AXDND1: variants seen among roughly 807,000 people sequenced by gnomAD.
The protein encoded by AXDND1 is axonemal dynein light chain domain containing 1.
A neutral mutation model predicts 137.5 loss-of-function variants in AXDND1; 110 were observed. The observed-to-expected ratio is 0.80, with a 90% CI of 0.69 to 0.94. The LOEUF is 0.94. AXDND1 is among the 40% of genes least tolerant of loss of function. The pLI, the probability that AXDND1 is intolerant of heterozygous loss-of-function variation, is 0.00. For synonymous variants in AXDND1, 414 were observed against 399.7 expected, an observed-to-expected ratio of 1.04 and a Z score of -0.43; for missense variants, 1,191 against 1,169.8, an observed-to-expected ratio of 1.02 and a Z score of -0.26.
At chr1:179,486,233 A>G (rs1252162481) in intron 18 of AXDND1, among the ~76,000 whole-genome samples, 1 of 151,862 alleles carries the variant, frequency 6.6e-6, no homozygotes, top group African/African-American at 2.4e-5. Context: ...AAAAAATCTC[A>G]GAGTTTGAAG....
intron 25 of AXDND1, among the ~76,000 whole-genome samples, chr1:179,538,404 T>C (rs1220035901): frequency 6.6e-6 from 1 of 152,240 alleles, no homozygotes; most frequent in Non-Finnish European, 1.5e-5. Flanking sequence ...TTCATTCTCA[T>C]TGGCTTCAAA....
chr1:179,494,243 C>T (rs923641948), intron 20 of AXDND1, among the ~76,000 whole-genome samples: 8 of 152,120 alleles, frequency 5.3e-5, no homozygotes, highest in South Asian at 2.1e-4. Context: ...TGAGCCACTG[C>T]GCCTGGCTGA....
chr1:179,544,147 A>G lies in AXDND1; in HGVS notation c.3031+9185A>G, dbSNP rs77988238. 3.3e-5 allele frequency: 5 copies of G among 152,576 alleles called. No homozygotes were observed. The East Asian group carries it at 7.7e-4, about 24-fold the overall frequency. 9.5% of individuals were successfully genotyped at this position (152,576 alleles called of 1,614,324 possible). On this transcript the variant is annotated intron_variant, in intron 25 of 25. Transcript: ENST00000367618. ...ACAGCCACTAGAAAAGCCATAACCTACAACGCAAGAGCATTTTCTCTTTAA... is the reference window on the plus strand; with the variant it reads ...ACAGCCACTAGAAAAGCCATAACCTGCAACGCAAGAGCATTTTCTCTTTAA...
intron 20 of AXDND1, among the ~76,000 whole-genome samples, chr1:179,493,545 A>T (rs912415806): frequency 2.6e-5 from 4 of 152,184 alleles, no homozygotes; most frequent in Non-Finnish European, 5.9e-5. Flanking sequence ...GTCACATGGA[A>T]TGTGTGTGTT....
At chr1:179,453,244 T>A (rs1660802829) in intron 16 of AXDND1, 1 of 151,746 alleles carries the variant, frequency 6.6e-6, no homozygotes, top group African/African-American at 2.4e-5. Context: ...CCACACAGAG[T>A]CTCTACTGGG....
At chr1:179,365,709 G>A (rs1040812743), upstream of AXDND1, 1 of 152,330 alleles carries the variant, frequency 6.6e-6, no homozygotes, top group African/African-American at 2.4e-5. Flanking sequence ...AACCCCCACC[G>A]GCGCCTGCGC....
chr1:179,366,394 C>A lies in AXDND1; in HGVS notation c.-106-10C>A. 2.6e-5 allele frequency: 16 copies of A among 613,440 alleles called. No individual in the cohort carries two copies. Among genetic ancestry groups the A allele is most frequent in the Non-Finnish European group, 3.9e-5 (14 of 356,760 alleles). 38.0% of individuals were successfully genotyped at this position (613,440 alleles called of 1,614,324 possible). On this transcript the variant is annotated splice_polypyrimidine_tract_variant and intron_variant, in intron 1 of 25. Coordinates refer to ENST00000367618, the MANE Select transcript of AXDND1 (RefSeq NM_144696.6). Reference sequence around the variant, plus strand: ...TTTTTTTTTTTAAATCTTTTTTCCTCTGCCTGCAGGACTATGTGGCAGCCT... The same window carrying A: ...TTTTTTTTTTTAAATCTTTTTTCCTATGCCTGCAGGACTATGTGGCAGCCT...
Position 179,411,271 on chromosome 1 carries a change from GTTCATC to G in AXDND1, c.1230+7_1230+12del. 6.2e-7 allele frequency: 1 copy of G among 1,605,356 alleles called. No individual in the cohort carries two copies. The highest frequency in any genetic ancestry group is 8.5e-7 in the Non-Finnish European group (1 of 1,177,936). Reference sequence around the variant, plus strand: ...ACATATGAATTGGCCCTGAAGGTTAGTTCATCTGGATTCACAACTCACACTTCTTTT... The same window carrying G: ...ACATATGAATTGGCCCTGAAGGTTAGTGGATTCACAACTCACACTTCTTTT... On this transcript the variant is annotated splice_donor_region_variant and intron_variant, in intron 12 of 25. Coordinates refer to ENST00000367618, the MANE Select transcript of AXDND1 (RefSeq NM_144696.6).
intron 11 of AXDND1, among the ~76,000 whole-genome samples, chr1:179,404,224 C>CT (rs71111990): frequency 0.34 from 46,029 of 136,526 alleles, 8,126 homozygotes; most frequent in East Asian, 0.48. Flanking sequence ...TTTTCTTTGT[C>CT]TTTTTTTTTT....
At chr1:179,374,326 C>G (rs541136598) in intron 4 of AXDND1, among the ~76,000 whole-genome samples, 43 of 152,282 alleles carry the variant, frequency 2.8e-4, no homozygotes, top group African/African-American at 1.0e-3. Flanking sequence ...CAGGAAACAA[C>G]AGGTGCTGGA....
chr1:179,501,855 A>G (rs1668032626), intron 20 of AXDND1, among the ~76,000 whole-genome samples: 1 of 152,228 alleles, frequency 6.6e-6, no homozygotes, highest in Non-Finnish European at 1.5e-5. Flanking sequence ...AGTCAAAATT[A>G]TAAAGCTTTT....
chr1:179,469,838 T>A (rs893043313), intron 17 of AXDND1, among the ~76,000 whole-genome samples: 1 of 152,182 alleles, frequency 6.6e-6, no homozygotes, highest in Non-Finnish European at 1.5e-5. Context: ...TGAGGGAAAT[T>A]TTTTCTGTGC....
At chr1:179,405,127 G>T (rs901661513) in intron 11 of AXDND1, among the ~76,000 whole-genome samples, 2 of 151,754 alleles carry the variant, frequency 1.3e-5, no homozygotes, top group Admixed American at 6.6e-5. Flanking sequence ...CTGTGTCCAT[G>T]TGTTTTCATT....
intron 17 of AXDND1, among the ~76,000 whole-genome samples, chr1:179,481,214 A>G (rs926672406): frequency 6.6e-6 from 1 of 152,012 alleles, no homozygotes; most frequent in Non-Finnish European, 1.5e-5. Context: ...ATTCCCACCT[A>G]TGAGTGAGAA....
chr1:179,463,982 C>T (rs1265315084), intron 16 of AXDND1, among the ~76,000 whole-genome samples: 1 of 152,094 alleles, frequency 6.6e-6, no homozygotes, highest in African/African-American at 2.4e-5. Flanking sequence ...AGTTCTTCCT[C>T]CATCCCTTTA....
chr1:179,552,674 C>T lies in AXDND1; in HGVS notation c.3032-1838C>T, dbSNP rs1673475731. ...TGCTGAAGCCCAGCTGGCAACCTCA[C>T]ATCTTTACTGAAAAAGAAAGAATGC... On this transcript the variant is annotated intron_variant, in intron 25 of 25. Coordinates refer to ENST00000367618, the MANE Select transcript of AXDND1 (RefSeq NM_144696.6). The T allele has an allele frequency of 1.9e-6, 3 of 1,613,802 alleles. No homozygotes were observed. The highest frequency in any genetic ancestry group is 2.5e-6 in the Non-Finnish European group (3 of 1,179,776).
At position 179,483,007 on chromosome 1, in the gene AXDND1, A is replaced by C; in HGVS notation, c.1998-121A>C. On this transcript the variant is annotated intron_variant, in intron 17 of 25. Transcript: ENST00000367618. ...TTGATTCCCCTTTCCTCAGTTCTCA[A>C]GCAGTTGTCAACATCTAAGTTTACA... 1.4e-5 allele frequency: 8 copies of C among 576,326 alleles called. No homozygotes were observed. The South Asian group carries it at 1.8e-4, about 13-fold the overall frequency. 35.7% of individuals were successfully genotyped at this position (576,326 alleles called of 1,614,324 possible). A position where few individuals can be genotyped will look rare whatever the true frequency, so the allele number is the denominator to read the frequency against.
intron 17 of AXDND1, among the ~76,000 whole-genome samples, chr1:179,469,848 CTGT>C (rs1286771058): frequency 4.6e-5 from 7 of 152,044 alleles, no homozygotes; most frequent in Admixed American, 2.0e-4. Context: ...TTTTTCTGTG[CTGT>C]TGTTGTTGTT....
chr1:179,427,385 C>CTG (rs10625958), intron 12 of AXDND1, among the ~76,000 whole-genome samples: 97,468 of 151,682 alleles, frequency 0.64, 31,676 homozygotes, highest in Middle Eastern at 0.7. Context: ...AATTTTTTGA[C>CTG]TGAATGGTAA....
Sources: gnomAD v4.1 joint callset for allele counts (sites outside exome capture counted in the v4.1 genomes callset) on GRCh38, gnomAD v4.1.1 for gene constraint, MANE v1.5 for transcripts, NCBI Gene and HGNC (gene_info 2026-07-23, HGNC 2026-07-21) for gene names.